Variants in PTPRD observed in about 807,000 individuals in gnomAD.
PTPRD encodes the protein receptor-type tyrosine-protein phosphatase delta.
Under a neutral mutation model 214.5 loss-of-function variants are expected in PTPRD, and 34 were observed. That is an observed-to-expected ratio of 0.16 (90% CI 0.12 to 0.21). The LOEUF (loss-of-function observed/expected upper bound fraction) is 0.21. Among genes scored for constraint, PTPRD ranks in the 10% least tolerant of loss-of-function variants. The probability of loss-of-function intolerance (pLI) is 1.00; values close to 1 mark genes in which losing one functional copy is unlikely to be tolerated. For missense variants in PTPRD, 2,545 were observed against 2,398.7 expected (o/e 1.06, Z -1.27); for synonymous variants, 1,128 against 845.7 (o/e 1.33, Z -5.79).
chr9:9,633,940 T>C (rs1009072302), intron 7 of PTPRD, among the ~76,000 whole-genome samples: 16 of 152,156 alleles, frequency 1.1e-4, no homozygotes, highest in African/African-American at 3.6e-4. Flanking sequence ...TAGAAGTCTA[T>C]GTGATTAACT....
At chr9:8,455,935 T>C (rs1322713022) in intron 33 of PTPRD, among the ~76,000 whole-genome samples, 1 of 152,156 alleles carries the variant, frequency 6.6e-6, no homozygotes, top group Non-Finnish European at 1.5e-5. Context: ...AGCCTCACCA[T>C]ACACCTGGGT....
intron 2 of PTPRD, among the ~76,000 whole-genome samples, chr9:10,414,580 A>T (rs1398688527): frequency 6.6e-6 from 1 of 151,956 alleles, no homozygotes; most frequent in Non-Finnish European, 1.5e-5. Flanking sequence ...CAGCAATCCC[A>T]TTACTGGCTA....
chr9:9,900,369 A>G (rs1349300709), intron 5 of PTPRD, among the ~76,000 whole-genome samples: 1 of 152,178 alleles, frequency 6.6e-6, no homozygotes, highest in Non-Finnish European at 1.5e-5. Context: ...AACTTTCACA[A>G]ATTGCTAGGG....
At chr9:8,861,547 C>T (rs1014421305) in intron 11 of PTPRD, 1 of 152,044 alleles carries the variant, frequency 6.6e-6, no homozygotes, top group African/African-American at 2.4e-5. Context: ...GTATTATTAG[C>T]CCCATTATAT....
chr9:9,699,743 G>A (rs928772077), intron 7 of PTPRD, among the ~76,000 whole-genome samples: 8 of 152,128 alleles, frequency 5.3e-5, no homozygotes, highest in Non-Finnish European at 1.2e-4. Context: ...TTTAGTAGTT[G>A]AAAATTATCC....
intron 3 of PTPRD, among the ~76,000 whole-genome samples, chr9:10,139,515 A>T (rs1265718302): frequency 1.3e-5 from 2 of 151,192 alleles, no homozygotes; most frequent in Admixed American, 6.6e-5. Context: ...ACAGAATTTG[A>T]AAAAAAAAGC....
At chr9:8,750,949 T>A (rs2093462356) in intron 11 of PTPRD, among the ~76,000 whole-genome samples, 1 of 152,150 alleles carries the variant, frequency 6.6e-6, no homozygotes, top group Non-Finnish European at 1.5e-5. Context: ...CCGACTGCCC[T>A]CCCTGTTCCC....
chr9:10,171,984 G>GC (rs2099210904), intron 3 of PTPRD, among the ~76,000 whole-genome samples: 1 of 152,160 alleles, frequency 6.6e-6, no homozygotes, highest in Non-Finnish European at 1.5e-5. Context: ...ATTTCAAGGA[G>GC]CCAAATGATA....
chr9:8,331,772 A>C, intron 43 of PTPRD, 36 bp from the exon 44 acceptor site: 3 of 1,543,480 alleles, frequency 1.9e-6, no homozygotes, highest in Middle Eastern at 1.9e-4. Flanking sequence ...GCCGCAAAGG[A>C]AGACGCCAGG....
rs1318180928 is a variant in PTPRD at position 9,134,355 on chromosome 9, G to C, written c.-143+48949C>G. 1.5e-5 allele frequency among the ~76,000 whole-genome samples: 2 copies of C among 136,480 alleles called. 1 individual carries two copies. The highest frequency in any genetic ancestry group is 3.0e-5 in the Non-Finnish European group (2 of 66,504). The allele number at this position is 136,480 out of a possible 152,430, so 89.5% of individuals were successfully genotyped here. On this transcript the variant is annotated intron_variant, in intron 10 of 45. Transcript: ENST00000381196. ...CCCAAAGTGCTGGGATTACAGGCGT[G>C]AGCCACCGCGCCCGTAGAATCATTC...
intron 10 of PTPRD, among the ~76,000 whole-genome samples, chr9:9,127,090 A>C (rs1193288295): frequency 6.6e-6 from 1 of 152,086 alleles, no homozygotes; most frequent in African/African-American, 2.4e-5. Context: ...ATTGCAAAGC[A>C]CACTCACACA....
rs565184338 is a variant in PTPRD, at chr9:10,289,509, G to T, written c.-545+51454C>A. On this transcript the variant is annotated intron_variant, in intron 3 of 45. Transcript: ENST00000381196. The stretch of plus-strand genomic sequence containing the variant: ...CTACAATCACTATGACGAGAAATTT[G>T]TCTTGAAATCTGAAAGATGAGTGAA... Among the ~76,000 whole-genome samples the T allele has an allele frequency of 3.9e-5, 6 of 152,226 alleles. No homozygotes were observed. In the East Asian group the frequency reaches 1.2e-3, roughly 29 times the overall value.
At chr9:10,500,174 T>A (rs566149870) in intron 2 of PTPRD, among the ~76,000 whole-genome samples, 1 of 151,942 alleles carries the variant, frequency 6.6e-6, no homozygotes, top group Admixed American at 6.6e-5. Flanking sequence ...TTCATGCATA[T>A]GTATTACATT....
chr9:9,776,714 T>C (rs1292989560), intron 5 of PTPRD, among the ~76,000 whole-genome samples: 3 of 152,238 alleles, frequency 2.0e-5, no homozygotes, highest in Non-Finnish European at 2.9e-5. Context: ...TACTAAACTT[T>C]TCCTTTACTT....
intron 3 of PTPRD, among the ~76,000 whole-genome samples, chr9:10,144,888 A>T (rs66623460): frequency 0.17 from 25,969 of 152,060 alleles, 2,383 homozygotes; most frequent in South Asian, 0.34. Context: ...AGCCAAAATT[A>T]AAAATAAAAT....
chr9:9,906,292 G>C (rs1469084791), intron 5 of PTPRD, among the ~76,000 whole-genome samples: 1 of 151,932 alleles, frequency 6.6e-6, no homozygotes, highest in East Asian at 1.9e-4. Flanking sequence ...GATGTGAGAA[G>C]TGTGCTTTTT....
chr9:9,876,980 C>A (rs568609647), intron 5 of PTPRD, among the ~76,000 whole-genome samples: 3 of 152,188 alleles, frequency 2.0e-5, no homozygotes, highest in South Asian at 4.2e-4. Flanking sequence ...TATAAATAGG[C>A]TGAATTATTT....
At chr9:10,559,089 G>C (rs1417480059) in intron 2 of PTPRD, among the ~76,000 whole-genome samples, 1 of 152,058 alleles carries the variant, frequency 6.6e-6, no homozygotes, top group Non-Finnish European at 1.5e-5. Context: ...AATGTAATAT[G>C]AGTTAAATAC....
intron 14 of PTPRD, among the ~76,000 whole-genome samples, chr9:8,569,967 G>C (rs1429346973): frequency 6.6e-6 from 1 of 152,106 alleles, no homozygotes; most frequent in Non-Finnish European, 1.5e-5. Context: ...ACATAATGCG[G>C]TGAACTGTTA....
Sources: allele counts gnomAD v4.1 joint callset (sites outside exome capture counted in the v4.1 genomes callset), GRCh38; gene constraint gnomAD v4.1.1; transcripts MANE v1.5; gene names NCBI Gene and HGNC (gene_info 2026-07-23, HGNC 2026-07-21).